HCK: variants seen among roughly 807,000 people sequenced by gnomAD.
The protein encoded by HCK is tyrosine-protein kinase HCK.
HCK carries 40 observed loss-of-function variants against 70.4 expected under a neutral mutation model. The ratio of observed to expected loss-of-function variants is 0.57; its 90% CI spans 0.44 to 0.74. HCK has a LOEUF of 0.74. Among genes scored for constraint, HCK ranks in the 30% least tolerant of loss-of-function variants. The probability of loss-of-function intolerance (pLI) is 0.00; values close to 1 mark genes in which losing one functional copy is unlikely to be tolerated. For missense variants in HCK, 568 were observed against 697.2 expected (o/e 0.81, Z 2.09); for synonymous variants, 245 against 263.2 (o/e 0.93, Z 0.67).
intron 4 of HCK, 106 bp from the exon 5 acceptor site, chr20:32,074,517 T>C (rs571519619): frequency 7.7e-6 from 6 of 780,124 alleles, no homozygotes; most frequent in Middle Eastern, 3.1e-4. Context: ...TTCACCCTAC[T>C]GGCTTTCTGG....
At chr20:32,069,146 C>T (rs901018250) in intron 1 of HCK, among the ~76,000 whole-genome samples, 1 of 152,190 alleles carries the variant, frequency 6.6e-6, no homozygotes, top group Non-Finnish European at 1.5e-5. Flanking sequence ...GCAGCGCTTA[C>T]TGCATGCTGG....
intron 1 of HCK, chr20:32,054,152 A>G (rs2045227661): frequency 2.3e-6 from 1 of 438,440 alleles, no homozygotes. Context: ...TACTAAAAGT[A>G]ACAGAAAAAA....
chr20:32,059,047 T>A (rs1260982797), intron 1 of HCK, among the ~76,000 whole-genome samples: 2 of 152,154 alleles, frequency 1.3e-5, no homozygotes, highest in Non-Finnish European at 2.9e-5. Flanking sequence ...GACAAAGAGA[T>A]GAAGGTGCCG....
intron 10 of HCK, among the ~76,000 whole-genome samples, chr20:32,092,585 C>A (rs1010794706): frequency 3.9e-5 from 6 of 152,138 alleles, no homozygotes; most frequent in African/African-American, 1.4e-4. Context: ...ACATGTCACG[C>A]TCCTGCTCGA....
At position 32,073,778 on chromosome 20, in the gene HCK, C is replaced by A; in HGVS notation, c.289C>A (p.Leu97Ile). The A allele has an allele frequency of 6.4e-7, 1 of 1,555,566 alleles. No individual in the cohort carries two copies. Among genetic ancestry groups the A allele is most frequent in the East Asian group, 2.4e-5 (1 of 41,434 alleles). The change falls in exon 4 of 13, where the codon CTC (leucine) becomes ATC (isoleucine). Residue 97 changes from leucine (L) to isoleucine (I), a missense_variant. By Grantham distance (5) the Leu-to-Ile change is conservative. Around this residue, in one of 4 missense-constraint regions of HCK, gnomAD observed 318 missense variants for 336.0 expected, o/e 0.95. Coordinates refer to ENST00000375852, the MANE Select transcript of HCK (RefSeq NM_002110.5). ...TTACGAGGCCATTCACCACGAAGAC[C>A]TCAGCTTCCAGAAGGGGGACCAGAT...
At chr20:32,055,835 T>A (rs2045262524) in intron 1 of HCK, among the ~76,000 whole-genome samples, 1 of 152,132 alleles carries the variant, frequency 6.6e-6, no homozygotes, top group Admixed American at 6.5e-5. Flanking sequence ...TTACCCCCCA[T>A]TCCCCCGGCC....
chr20:32,101,197 G>A (rs1039406723), intron 12 of HCK, 120 bp from the exon 13 acceptor site: 30 of 816,462 alleles, frequency 3.7e-5, no homozygotes, highest in Non-Finnish European at 4.9e-5. Flanking sequence ...CACAGTGGAA[G>A]GGGCTCAGCT....
At chr20:32,097,855 G>T (rs1277303730) in intron 11 of HCK, among the ~76,000 whole-genome samples, 1 of 151,878 alleles carries the variant, frequency 6.6e-6, no homozygotes, top group Non-Finnish European at 1.5e-5. Flanking sequence ...CACCAACCAT[G>T]ATATAATTAA....
chr20:32,085,892 T>C (rs2045778489), intron 8 of HCK, among the ~76,000 whole-genome samples: 1 of 152,300 alleles, frequency 6.6e-6, no homozygotes, highest in South Asian at 2.1e-4. Flanking sequence ...GGCTGGGTCA[T>C]GTAGGGCCTG....
chr20:32,061,374 G>A (rs773883094), intron 1 of HCK, among the ~76,000 whole-genome samples: 4 of 152,216 alleles, frequency 2.6e-5, no homozygotes, highest in African/African-American at 9.6e-5. Flanking sequence ...GGTGGGCTTC[G>A]GTCTCCCTGC....
intron 1 of HCK, among the ~76,000 whole-genome samples, chr20:32,057,921 C>A (rs1196920646): frequency 1.3e-5 from 2 of 152,122 alleles, no homozygotes; most frequent in African/African-American, 2.4e-5. Flanking sequence ...TGTAAATGTG[C>A]CCTGGTCTTG....
At chr20:32,089,247 T>A (rs985580948) in intron 10 of HCK, among the ~76,000 whole-genome samples, 5 of 152,252 alleles carry the variant, frequency 3.3e-5, no homozygotes, top group African/African-American at 1.2e-4. Context: ...GGGAGGGGAC[T>A]GACCAAGGAC....
chr20:32,083,305 AT>A (rs2045733143), intron 6 of HCK, among the ~76,000 whole-genome samples: 1 of 152,330 alleles, frequency 6.6e-6, no homozygotes, highest in South Asian at 2.1e-4. Context: ...AAGGTAACAT[AT>A]TCCCAGGTTC....
At chr20:32,071,588 A>G in intron 1 of HCK, 74 bp from the exon 2 acceptor site, 2 of 1,572,208 alleles carry the variant, frequency 1.3e-6, no homozygotes, top group Non-Finnish European at 1.7e-6. Flanking sequence ...GGGGACCTGG[A>G]ATGCCAGCAT....
chr20:32,073,596 A>T, intron 3 of HCK, 120 bp from the exon 4 acceptor site: 1 of 698,468 alleles, frequency 1.4e-6, no homozygotes, highest in Non-Finnish European at 2.5e-6. Context: ...TGAGACGCCT[A>T]CTTATACTTG....
intron 1 of HCK, among the ~76,000 whole-genome samples, chr20:32,069,308 T>C (rs186255936): frequency 8.5e-5 from 13 of 152,330 alleles, no homozygotes; most frequent in African/African-American, 3.1e-4. Flanking sequence ...CTTGAATATG[T>C]ACATTGATCA....
At chr20:32,091,179 G>A (rs2269052) in intron 10 of HCK, among the ~76,000 whole-genome samples, 3,970 of 152,188 alleles carry the variant, frequency 0.026, 166 homozygotes, top group East Asian at 0.19. Flanking sequence ...CTGCCCCATC[G>A]AGCTCCTGTG....
intron 10 of HCK, among the ~76,000 whole-genome samples, chr20:32,093,632 A>T (rs550475150): frequency 6.6e-6 from 1 of 152,260 alleles, no homozygotes; most frequent in African/African-American, 2.4e-5. Flanking sequence ...GAAGTCTTGG[A>T]ATTCTAGAGA....
At position 32,086,757 on chromosome 20, in the gene HCK, C is replaced by G; in HGVS notation, c.965C>G (p.Ala322Gly). 6.2e-7 allele frequency: 1 copy of G among 1,603,046 alleles called. No homozygotes were observed. Among genetic ancestry groups the G allele is most frequent in the Non-Finnish European group, 8.5e-7 (1 of 1,174,570 alleles). Residue 322 changes from alanine to glycine, a missense_variant, in exon 9 of 13, where the codon GCG becomes GGG. Physicochemically the swap from Ala to Gly is moderately conservative, Grantham distance 60. Transcript: ENST00000375852. ...CATGACAAGCTGGTCAAACTTCATG[C>G]GGTGGTCACCAAGGAGCCCATCTAC...
Sources: gnomAD v4.1 joint callset for allele counts (sites outside exome capture counted in the v4.1 genomes callset) on GRCh38, gnomAD v4.1.1 for gene constraint, gnomAD v4.1.1 regional missense constraint, MANE v1.5 for transcripts, NCBI Gene and HGNC (gene_info 2026-07-23, HGNC 2026-07-21) for gene names.